The following KCNQ5 variants were observed in gnomAD, a reference collection of about 807,000 sequenced individuals.
KCNQ5 encodes the protein potassium voltage-gated channel subfamily KQT member 5.
In KCNQ5, 30 loss-of-function variants were observed where a neutral mutation model predicts 98.2. That is an observed-to-expected ratio of 0.31 (90% CI 0.23 to 0.41). KCNQ5 has a LOEUF of 0.41. Among genes scored for constraint, KCNQ5 ranks in the 10% least tolerant of loss-of-function variants. The pLI is 1.00. For missense variants in KCNQ5, 835 were observed against 1,182.5 expected (o/e 0.71, Z 4.31); for synonymous variants, 458 against 449.4 (o/e 1.02, Z -0.24).
At chr6:72,680,048 T>C (rs1767627182) in intron 1 of KCNQ5, among the ~76,000 whole-genome samples, 1 of 151,880 alleles carries the variant, frequency 6.6e-6, no homozygotes, top group Admixed American at 6.6e-5. Flanking sequence ...ATCTCAAAAA[T>C]AAAAAAAATT....
chr6:73,021,072 A>C (rs185844875), intron 2 of KCNQ5, among the ~76,000 whole-genome samples: 50 of 152,220 alleles, frequency 3.3e-4, no homozygotes, highest in African/African-American at 1.2e-3. Context: ...GGTAATTCCT[A>C]TCAATTTATT....
chr6:72,870,422 G>T (rs996656411), intron 1 of KCNQ5, among the ~76,000 whole-genome samples: 7 of 151,972 alleles, frequency 4.6e-5, no homozygotes, highest in Admixed American at 3.9e-4. Context: ...GCTAATTTTT[G>T]TATTTTTTTG....
At chr6:73,003,800 T>C in intron 1 of KCNQ5, 108 bp from the exon 2 acceptor site, 1 of 691,358 alleles carries the variant, frequency 1.4e-6, no homozygotes, top group Non-Finnish European at 2.5e-6. Flanking sequence ...TATGAGTTAA[T>C]GTGTGCTAAT....
intron 1 of KCNQ5, among the ~76,000 whole-genome samples, chr6:72,860,131 C>A (rs923839411): frequency 5.3e-5 from 8 of 152,244 alleles, no homozygotes; most frequent in African/African-American, 1.4e-4. Flanking sequence ...GAAACAAATA[C>A]AAATGGTATG....
intron 1 of KCNQ5, among the ~76,000 whole-genome samples, chr6:72,828,612 GT>G (rs1241056752): frequency 2.0e-5 from 3 of 151,986 alleles, no homozygotes; most frequent in Non-Finnish European, 4.4e-5. Context: ...AGTACTAAGA[GT>G]TTTTTGGTAG....
At chr6:72,877,555 T>A (rs1014413208) in intron 1 of KCNQ5, among the ~76,000 whole-genome samples, 34 of 152,192 alleles carry the variant, frequency 2.2e-4, no homozygotes, top group Non-Finnish European at 8.8e-5. Context: ...TAGTAGAATG[T>A]TTTATAATCC....
Position 72,805,329 on chromosome 6 carries a change from A to G in KCNQ5, c.398+182742A>G, listed in dbSNP as rs192504907. ...AGACTTAAGCGTTTAACGGATTCTG[A>G]TTTGATTTTCACATATAGCAGGAGA... is the stretch of plus-strand genomic sequence containing the variant. On this transcript the variant is annotated intron_variant, in intron 1 of 13. Coordinates refer to ENST00000370398, the MANE Select transcript of KCNQ5 (RefSeq NM_019842.4). 2.1e-3 allele frequency among the ~76,000 whole-genome samples: 315 copies of G among 152,146 alleles called. 1 individual carries two copies. The highest frequency in any genetic ancestry group is 7.0e-3 in the African/African-American group (289 of 41,538).
intron 1 of KCNQ5, chr6:72,986,254 C>G (rs1768770811): frequency 4.6e-6 from 1 of 219,130 alleles, no homozygotes; most frequent in African/African-American, 2.3e-5. Flanking sequence ...AAATGTGGAA[C>G]ATATACACCA....
chr6:73,109,498 T>C (rs1775138896), intron 6 of KCNQ5, among the ~76,000 whole-genome samples: 1 of 152,178 alleles, frequency 6.6e-6, no homozygotes, highest in Non-Finnish European at 1.5e-5. Flanking sequence ...CTTACATGTC[T>C]ACACTTTATG....
intron 3 of KCNQ5, among the ~76,000 whole-genome samples, chr6:73,063,721 T>TAGATAGATA (rs1554203585): frequency 6.1e-4 from 59 of 96,086 alleles, no homozygotes; most frequent in African/African-American, 1.0e-3. Context: ...GATAGATAGA[T>TAGATAGATA]GATAGATAGA....
rs1304012976 is a variant in KCNQ5 at position 72,622,346 on chromosome 6, G to T, written c.157G>T (p.Ala53Ser). ...RGRVLLNSAA[A>S]RGDGLLLLGT... The stretch of plus-strand genomic sequence containing the variant: ...CAGGGTGCTGCTGAACTCGGCAGCC[G>T]CCAGGGGCGACGGCCTGCTACTGCT... Residue 53 changes from alanine to serine, a missense_variant, in exon 1 of 14, where the codon GCC (alanine) becomes TCC (serine). Ala to Ser is a moderately conservative substitution (Grantham distance 99). Transcript: ENST00000370398. This position sits in a 1 kb window ranked among gnomAD's most constrained non-coding sequence, Gnocchi z 6.0. 7.7e-6 allele frequency: 11 copies of T among 1,431,542 alleles called. No homozygotes were observed. The highest frequency in any genetic ancestry group is 1.5e-5 in the African/African-American group (1 of 67,170). 88.7% of individuals were successfully genotyped at this position (1,431,542 alleles called of 1,614,324 possible).
intron 1 of KCNQ5, among the ~76,000 whole-genome samples, chr6:72,694,248 G>A (rs1173185044): frequency 2.0e-5 from 3 of 152,052 alleles, no homozygotes; most frequent in Middle Eastern, 3.4e-3. Flanking sequence ...CAACATCTGT[G>A]ACCCTTAGAA....
chr6:72,933,611 A>T (rs1368576293), intron 1 of KCNQ5, among the ~76,000 whole-genome samples: 1 of 152,224 alleles, frequency 6.6e-6, no homozygotes, highest in Non-Finnish European at 1.5e-5. Context: ...GTTGACCATT[A>T]CTTATCTTCC....
intron 1 of KCNQ5, among the ~76,000 whole-genome samples, chr6:72,975,016 C>T (rs1003735068): frequency 6.6e-6 from 1 of 152,102 alleles, no homozygotes; most frequent in African/African-American, 2.4e-5. Flanking sequence ...GGATTACAGG[C>T]GTGAACCACC....
intron 3 of KCNQ5, among the ~76,000 whole-genome samples, chr6:73,047,911 T>A (rs934247294): frequency 6.6e-6 from 1 of 152,130 alleles, no homozygotes; most frequent in African/African-American, 2.4e-5. Flanking sequence ...CTATGGAATA[T>A]CATGAGTGAT....
intron 9 of KCNQ5, among the ~76,000 whole-genome samples, chr6:73,124,960 TATATATATATATATATATATACACACAC>T (rs1318437226): frequency 0.02 from 316 of 15,420 alleles, 2 homozygotes; most frequent in African/African-American, 0.061. Context: ...TATATATATA[TATATATATATATATATATATACACACAC>T]ACACATATAT....
At position 73,126,579 on chromosome 6, in the gene KCNQ5, T is replaced by C. The variant is rs114872577; in HGVS notation, c.1247+2067T>C. On this transcript the variant is annotated intron_variant, in intron 9 of 13. Transcript: ENST00000370398. ...TATCTACGACATTTACCTCTCTGCA[T>C]GCAGCAGACTGAGGTTGTCAAAGAT... Among the ~76,000 whole-genome samples the C allele has an allele frequency of 5.8e-3, 884 of 152,332 alleles. 8 individuals are homozygous for C. Among genetic ancestry groups the C allele is most frequent in the African/African-American group, 0.018 (768 of 41,574 alleles).
chr6:73,180,230 A>G (rs190996221), intron 11 of KCNQ5, among the ~76,000 whole-genome samples: 82 of 152,322 alleles, frequency 5.4e-4, no homozygotes, highest in African/African-American at 1.8e-3. Flanking sequence ...AGGCTTCTTT[A>G]ACTCTGCCAG....
chr6:72,719,981 A>C (rs1352941643), intron 1 of KCNQ5, among the ~76,000 whole-genome samples: 1 of 152,188 alleles, frequency 6.6e-6, no homozygotes, highest in East Asian at 1.9e-4. Context: ...CCTGATATGT[A>C]CACTAAACTC....
Sources: gnomAD v4.1 joint callset for allele counts (sites outside exome capture counted in the v4.1 genomes callset) on GRCh38, gnomAD v4.1.1 for gene constraint, Gnocchi (gnomAD v3.1) non-coding constraint, MANE v1.5 for transcripts, NCBI Gene and HGNC (gene_info 2026-07-23, HGNC 2026-07-21) for gene names.